The following RPIA variants were observed in gnomAD, a reference collection of about 807,000 sequenced individuals.
RPIA encodes the protein ribose-5-phosphate isomerase.
Under a neutral mutation model 37.8 loss-of-function variants are expected in RPIA, and 29 were observed. The ratio of observed to expected loss-of-function variants is 0.77; its 90% CI spans 0.57 to 1.05. RPIA has a LOEUF of 1.05. Ranked by LOEUF, RPIA falls within the 50% of genes least tolerant of loss-of-function variation. The pLI is 0.00. For missense variants in RPIA, 385 were observed against 413.6 expected (o/e 0.93, Z 0.60); for synonymous variants, 167 against 157.0 (o/e 1.06, Z -0.48).
intron 3 of RPIA, among the ~76,000 whole-genome samples, chr2:88,721,558 CACACACA>C (rs1673128924): frequency 1.5e-5 from 1 of 66,202 alleles, no homozygotes; most frequent in African/African-American, 5.3e-5. Flanking sequence ...CACACACACA[CACACACA>C]CACACACCCC....
intron 3 of RPIA, among the ~76,000 whole-genome samples, chr2:88,704,091 C>A (rs1672869395): frequency 6.6e-6 from 1 of 152,208 alleles, no homozygotes; most frequent in African/African-American, 2.4e-5. Context: ...TCGCTATCAG[C>A]ATTTTGGGCA....
At chr2:88,742,593 G>A (rs1168235558) in intron 8 of RPIA, among the ~76,000 whole-genome samples, 1 of 152,086 alleles carries the variant, frequency 6.6e-6, no homozygotes, top group Non-Finnish European at 1.5e-5. Context: ...AATGATGGCG[G>A]TATTTCGATG....
At chr2:88,745,506 A>G (rs766105027) in intron 8 of RPIA, among the ~76,000 whole-genome samples, 5 of 152,238 alleles carry the variant, frequency 3.3e-5, no homozygotes, top group Non-Finnish European at 7.3e-5. Context: ...TGTTTGTCTG[A>G]AAATGACTGT....
At chr2:88,708,235 A>T (rs1406425254) in intron 3 of RPIA, among the ~76,000 whole-genome samples, 1 of 152,208 alleles carries the variant, frequency 6.6e-6, no homozygotes, top group African/African-American at 2.4e-5. Flanking sequence ...GAATCTCAGA[A>T]ATCTTTAACT....
At chr2:88,732,751 A>AAAAAAAAAAAAAAAAAAAAAT (rs1673261011) in intron 4 of RPIA, among the ~76,000 whole-genome samples, 1 of 11,964 alleles carries the variant, frequency 8.4e-5, no homozygotes, top group Non-Finnish European at 1.8e-4. Flanking sequence ...AAAAAAAAAA[A>AAAAAAAAAAAAAAAAAAAAAT]AAAAAAAAAA....
At chr2:88,749,647 T>C (rs1673479620) in intron 8 of RPIA, among the ~76,000 whole-genome samples, 1 of 152,170 alleles carries the variant, frequency 6.6e-6, no homozygotes, top group Non-Finnish European at 1.5e-5. Flanking sequence ...CCATCTGATA[T>C]GTCTGAAGGA....
At chr2:88,733,333 C>T (rs145120043) in intron 4 of RPIA, among the ~76,000 whole-genome samples, 190 of 152,244 alleles carry the variant, frequency 1.2e-3, no homozygotes, top group Non-Finnish European at 2.4e-3. Context: ...CCTGGAAAAC[C>T]AGGCAGGTTG....
intron 3 of RPIA, among the ~76,000 whole-genome samples, chr2:88,718,007 G>A (rs936574431): frequency 3.3e-5 from 5 of 152,136 alleles, no homozygotes; most frequent in East Asian, 1.9e-4. Context: ...TGAAGTTTAA[G>A]TTGTCTAGCT....
chr2:88,747,354 A>G (rs1156910790), intron 8 of RPIA, among the ~76,000 whole-genome samples: 1 of 152,150 alleles, frequency 6.6e-6, no homozygotes, highest in Non-Finnish European at 1.5e-5. Context: ...AGGCCTCCCT[A>G]CTGAGAAAGC....
intron 3 of RPIA, among the ~76,000 whole-genome samples, chr2:88,708,214 A>G (rs1157438480): frequency 6.6e-6 from 1 of 152,230 alleles, no homozygotes; most frequent in Non-Finnish European, 1.5e-5. Context: ...TTCCATAATC[A>G]GAGGTGTCAG....
chr2:88,748,892 G>A (rs1438221930), intron 8 of RPIA, among the ~76,000 whole-genome samples: 2 of 151,936 alleles, frequency 1.3e-5, no homozygotes, highest in Non-Finnish European at 2.9e-5. Flanking sequence ...TGTATTTTTT[G>A]TAGAGCTGCC....
At chr2:88,721,191 A>G (rs924310079) in intron 3 of RPIA, among the ~76,000 whole-genome samples, 2 of 151,982 alleles carry the variant, frequency 1.3e-5, no homozygotes, top group Non-Finnish European at 2.9e-5. Flanking sequence ...CAGGGAGGGG[A>G]ACATCACACA....
chr2:88,726,862 C>T (rs1673203208), intron 3 of RPIA, among the ~76,000 whole-genome samples: 1 of 152,104 alleles, frequency 6.6e-6, no homozygotes, highest in African/African-American at 2.4e-5. Context: ...CCTGCCTCAG[C>T]CTCCTGAGTA....
intron 8 of RPIA, among the ~76,000 whole-genome samples, chr2:88,742,061 A>C (rs1673389377): frequency 6.6e-6 from 1 of 152,070 alleles, no homozygotes; most frequent in South Asian, 2.1e-4. Context: ...ATTTTAATTA[A>C]GTTCCACCTA....
intron 3 of RPIA, among the ~76,000 whole-genome samples, chr2:88,727,466 G>A (rs1247176136): frequency 6.6e-6 from 1 of 152,166 alleles, no homozygotes; most frequent in African/African-American, 2.4e-5. Flanking sequence ...CATGTCATGG[G>A]GGTTTGCTGT....
At chr2:88,726,069 A>G (rs1673193604) in intron 3 of RPIA, among the ~76,000 whole-genome samples, 1 of 152,182 alleles carries the variant, frequency 6.6e-6, no homozygotes, top group Non-Finnish European at 1.5e-5. Flanking sequence ...CTGTTGGGGA[A>G]GATGGGAGAG....
At chr2:88,746,206 C>T (rs1673435969) in intron 8 of RPIA, among the ~76,000 whole-genome samples, 1 of 151,474 alleles carries the variant, frequency 6.6e-6, no homozygotes, top group East Asian at 1.9e-4. Flanking sequence ...TTTCACCTTT[C>T]TCTGGTACCT....
Position 88,750,177 on chromosome 2 carries a change from G to T in RPIA, c.*99G>T. Reference sequence around the variant, plus strand: ...CTTTGCCTTAATGTATCTCTGCCTGGACAACTTGTGGTGGGGGGTGGGGGG... The same window carrying T: ...CTTTGCCTTAATGTATCTCTGCCTGTACAACTTGTGGTGGGGGGTGGGGGG... On this transcript the variant is annotated 3_prime_UTR_variant, in exon 9 of 9. Transcript: ENST00000283646. 1.4e-6 allele frequency: 1 copy of T among 718,438 alleles called. No homozygotes were observed. Among genetic ancestry groups the T allele is most frequent in the Non-Finnish European group, 2.4e-6 (1 of 408,410 alleles). 44.5% of individuals were successfully genotyped at this position (718,438 alleles called of 1,614,324 possible).
intron 3 of RPIA, 58 bp downstream of exon 3, chr2:88,700,122 G>A: frequency 3.9e-6 from 6 of 1,558,322 alleles, no homozygotes; most frequent in East Asian, 2.2e-5. Flanking sequence ...CTGGTTCCCC[G>A]GGGTTGTGGA....
Sources: gnomAD v4.1 joint callset for allele counts (sites outside exome capture counted in the v4.1 genomes callset) on GRCh38, gnomAD v4.1.1 for gene constraint, MANE v1.5 for transcripts, NCBI Gene and HGNC (gene_info 2026-07-23, HGNC 2026-07-21) for gene names.